The following FER variants were observed in gnomAD, a reference collection of about 807,000 sequenced individuals.
FER encodes tyrosine-protein kinase Fer.
Under a neutral mutation model 111.0 loss-of-function variants are expected in FER, and 63 were observed. The ratio of observed to expected loss-of-function variants is 0.57; its 90% CI spans 0.46 to 0.70. The LOEUF (loss-of-function observed/expected upper bound fraction) is 0.70, where lower values mean the gene tolerates loss of function less well. Ranked by LOEUF, FER falls within the 30% of genes least tolerant of loss-of-function variation. The pLI is 0.00. For synonymous variants in FER, 327 were observed against 313.9 expected (o/e 1.04, Z -0.44); for missense variants, 914 against 954.0 (o/e 0.96, Z 0.55).
chr5:108,954,903 A>T lies in FER; in HGVS notation c.1504A>T (p.Arg502Trp), dbSNP rs1195541381. 2 of 1,610,214 alleles carry T rather than the reference A, an allele frequency of 1.2e-6. No individual in the cohort carries two copies. Among genetic ancestry groups the T allele is most frequent in the Admixed American group, 3.3e-5 (2 of 59,890 alleles). ...CCTTTCTGTATATTCTGATGGACAG[A>T]GGAGACATTTTATCATACAATATGT... is the stretch of plus-strand genomic sequence containing the variant. ...YVLSVYSDGQ[R>W]RHFIIQYVDN... Residue 502 changes from arginine to tryptophan, a missense_variant, in exon 12 of 20, where the codon AGG (arginine) becomes TGG (tryptophan). This residue lies in a region of FER where 774 missense variants were observed against 782.6 expected (regional missense o/e 0.99). Coordinates refer to ENST00000281092, the MANE Select transcript of FER (RefSeq NM_005246.4).
chr5:108,933,587 G>C (rs1755010224), intron 10 of FER, among the ~76,000 whole-genome samples: 1 of 151,992 alleles, frequency 6.6e-6, no homozygotes, highest in African/African-American at 2.4e-5. Flanking sequence ...GCTCATTTTT[G>C]GTTCCATATG....
intron 16 of FER, among the ~76,000 whole-genome samples, chr5:109,058,720 C>CT (rs1773967359): frequency 3.4e-5 from 3 of 88,024 alleles, no homozygotes; most frequent in African/African-American, 1.0e-4. Context: ...TTCTTTCTTT[C>CT]TTTCTTTTTT....
At chr5:108,883,146 G>A (rs988362858) in intron 8 of FER, among the ~76,000 whole-genome samples, 3 of 151,720 alleles carry the variant, frequency 2.0e-5, no homozygotes, top group African/African-American at 4.8e-5. Context: ...AGTATTGCCC[G>A]AGTACTTACT....
In FER at chr5:109,194,358, A is replaced by G. The variant is rs931619712; in HGVS notation, c.*6783A>G. 2.0e-5 allele frequency: 3 copies of G among 152,236 alleles called. No homozygotes were observed. Among genetic ancestry groups the G allele is most frequent in the African/African-American group, 7.2e-5 (3 of 41,470 alleles). The allele number at this position is 152,236 out of a possible 1,614,324, so 9.4% of individuals were successfully genotyped here. On this transcript the variant is annotated 3_prime_UTR_variant, in exon 20 of 20. Transcript: ENST00000281092. ...AAGTTCAAAATAAGTCATTCTACCT[A>G]GAAATACAGACCCCAGAGCACATTG...
intron 13 of FER, among the ~76,000 whole-genome samples, chr5:108,998,859 A>T (rs902410467): frequency 1.3e-5 from 2 of 152,192 alleles, no homozygotes; most frequent in African/African-American, 4.8e-5. Context: ...TCCGTTTGCC[A>T]ATATTTTACT....
At chr5:109,130,135 C>T (rs763406564) in intron 17 of FER, among the ~76,000 whole-genome samples, 10 of 151,722 alleles carry the variant, frequency 6.6e-5, no homozygotes, top group Admixed American at 2.6e-4. Context: ...TTTTACAAAA[C>T]CTATCCCATT....
intron 10 of FER, among the ~76,000 whole-genome samples, chr5:108,902,682 G>A (rs1451844064): frequency 6.6e-6 from 1 of 152,124 alleles, no homozygotes; most frequent in East Asian, 1.9e-4. Flanking sequence ...ATTGAATTGG[G>A]ATAATGACAG....
intron 5 of FER, among the ~76,000 whole-genome samples, chr5:108,843,503 C>G (rs915981294): frequency 6.6e-6 from 1 of 151,372 alleles, no homozygotes; most frequent in African/African-American, 2.4e-5. Flanking sequence ...GATGTGGACC[C>G]TACCTTCAAG....
At chr5:108,937,740 G>A (rs1755668143) in intron 10 of FER, among the ~76,000 whole-genome samples, 1 of 151,820 alleles carries the variant, frequency 6.6e-6, no homozygotes, top group Non-Finnish European at 1.5e-5. Flanking sequence ...AGTGGAAAAT[G>A]TGTCTGTTAG....
intron 16 of FER, among the ~76,000 whole-genome samples, chr5:109,094,026 A>T (rs1288097170): frequency 6.6e-6 from 1 of 152,124 alleles, no homozygotes; most frequent in African/African-American, 2.4e-5. Context: ...CAGACAGTCG[A>T]ACTTCTTTGC....
intron 10 of FER, among the ~76,000 whole-genome samples, chr5:108,916,694 A>T (rs564767469): frequency 5.7e-4 from 86 of 152,068 alleles, no homozygotes; most frequent in Admixed American, 4.4e-3. Flanking sequence ...TTTGCTATTT[A>T]TTAGGCCCCA....
chr5:108,916,157 A>G (rs1752236993), intron 10 of FER, among the ~76,000 whole-genome samples: 1 of 152,222 alleles, frequency 6.6e-6, no homozygotes, highest in South Asian at 2.1e-4. Context: ...TAAAATAAAA[A>G]TATTTATTGA....
At position 109,189,588 on chromosome 5, in the gene FER, G is replaced by C. The variant is rs2126899673; in HGVS notation, c.*2013G>C. 1.3e-5 allele frequency: 2 copies of C among 152,286 alleles called. No individual in the cohort carries two copies. The highest frequency in any genetic ancestry group is 3.9e-4 in the East Asian group (2 of 5,190). 9.4% of individuals were successfully genotyped at this position (152,286 alleles called of 1,614,324 possible). A position where few individuals can be genotyped will look rare whatever the true frequency, so the allele number is the denominator to read the frequency against. On this transcript the variant is annotated 3_prime_UTR_variant, in exon 20 of 20. Transcript: ENST00000281092. ...TATGGTAAATCAAAGCGCAAACTCA[G>C]AAGTGCTATGGTATTGAGGCACTTA... is the stretch of plus-strand genomic sequence containing the variant.
chr5:109,003,535 G>A (rs1240929645), intron 13 of FER, among the ~76,000 whole-genome samples: 1 of 151,986 alleles, frequency 6.6e-6, no homozygotes. Flanking sequence ...GTTTATGAGT[G>A]CAGCACACCA....
intron 16 of FER, among the ~76,000 whole-genome samples, chr5:109,074,485 T>A (rs1776104772): frequency 6.6e-6 from 1 of 152,226 alleles, no homozygotes; most frequent in South Asian, 2.1e-4. Context: ...ACATTCGTAG[T>A]GACTACAAAA....
At chr5:109,034,376 A>G (rs1770073460) in intron 13 of FER, among the ~76,000 whole-genome samples, 1 of 152,182 alleles carries the variant, frequency 6.6e-6, no homozygotes, top group South Asian at 2.1e-4. Context: ...AGGTAGGCTT[A>G]CTTCTTTTCA....
chr5:109,178,402 A>G (rs1260365833), intron 17 of FER, among the ~76,000 whole-genome samples: 1 of 152,204 alleles, frequency 6.6e-6, no homozygotes, highest in Admixed American at 6.5e-5. Flanking sequence ...CTGGTGATGC[A>G]ATGAAGATAG....
At chr5:108,965,959 C>T (rs968265922) in intron 13 of FER, among the ~76,000 whole-genome samples, 1 of 152,082 alleles carries the variant, frequency 6.6e-6, no homozygotes, top group African/African-American at 2.4e-5. Context: ...TAAAAGAACC[C>T]TACCATGGTA....
chr5:108,955,590 T>G (rs1408808213), intron 12 of FER, among the ~76,000 whole-genome samples: 1 of 151,872 alleles, frequency 6.6e-6, no homozygotes, highest in Non-Finnish European at 1.5e-5. Context: ...AAGAGTAATT[T>G]CAAAATTTAG....
Sources: allele counts gnomAD v4.1 joint callset (sites outside exome capture counted in the v4.1 genomes callset), GRCh38; gene constraint gnomAD v4.1.1; regional missense constraint gnomAD v4.1.1; transcripts MANE v1.5; gene names NCBI Gene and HGNC (gene_info 2026-07-23, HGNC 2026-07-21).